The following IST1 variants were observed in gnomAD, a reference collection of about 807,000 sequenced individuals.
IST1 encodes IST1 homolog.
Under a neutral mutation model 37.0 loss-of-function variants are expected in IST1, and 23 were observed. The observed-to-expected ratio is 0.62, with a 90% confidence interval of 0.45 to 0.88. The LOEUF is 0.88. Among genes scored for constraint, IST1 ranks in the 40% least tolerant of loss-of-function variants. IST1 has a pLI of 0.00. For missense variants in IST1, 488 were observed against 445.4 expected (o/e 1.10, Z -0.86); for synonymous variants, 180 against 161.7 (o/e 1.11, Z -0.86).
chr16:71,894,941 G>A, upstream of IST1: 2 of 1,005,416 alleles, frequency 2.0e-6, no homozygotes, highest in South Asian at 1.4e-5. Context: ...AAACACTACT[G>A]AATTATACCA....
chr16:71,905,243 C>G (rs942864797), intron 1 of IST1, among the ~76,000 whole-genome samples: 2 of 151,964 alleles, frequency 1.3e-5, no homozygotes, highest in African/African-American at 4.8e-5. Flanking sequence ...ACTATGTTGG[C>G]CAGGCTGGTC....
intron 1 of IST1, among the ~76,000 whole-genome samples, chr16:71,904,631 A>G (rs2037180292): frequency 6.6e-6 from 1 of 150,712 alleles, no homozygotes; most frequent in Non-Finnish European, 1.5e-5. Flanking sequence ...CTGGTCTTGA[A>G]CTCCTGAGCT....
Position 71,905,018 on chromosome 16 carries a change from CT to C in IST1, c.-16+9436del, listed in dbSNP as rs554733144. ...ATTCCATTAAAAAATTTTTTTTTTGCTTTTTTTGTGTAGTATTTTTGTTTTT... is the reference window on the plus strand; with the variant it reads ...ATTCCATTAAAAAATTTTTTTTTTGCTTTTTTGTGTAGTATTTTTGTTTTT... On this transcript the variant is annotated intron_variant, in intron 1 of 9. Transcript: ENST00000378799. Among the ~76,000 whole-genome samples the C allele has an allele frequency of 2.1e-3, 317 of 149,574 alleles. 1 individual carries two copies. The highest frequency in any genetic ancestry group is 7.4e-3 in the African/African-American group (302 of 40,698).
At chr16:71,922,116 G>A (rs2037605217) in intron 6 of IST1, among the ~76,000 whole-genome samples, 1 of 152,094 alleles carries the variant, frequency 6.6e-6, no homozygotes, top group African/African-American at 2.4e-5. Flanking sequence ...CTCCAGTCTG[G>A]GTGACAGAGT....
chr16:71,929,507 T>A lies in IST1; in HGVS notation c.*1694T>A. ...GCAAAGATAAGTAGTAATACGCTAA[T>A]AAATACTAAGCCAAGTAGGAGATAA... On this transcript the variant is annotated 3_prime_UTR_variant, in exon 10 of 10. Transcript: ENST00000378799. The A allele has an allele frequency of 6.5e-7, 1 of 1,530,252 alleles. No individual in the cohort carries two copies. Among genetic ancestry groups the A allele is most frequent in the Non-Finnish European group, 8.8e-7 (1 of 1,138,774 alleles). 94.8% of individuals were successfully genotyped at this position (1,530,252 alleles called of 1,614,324 possible). A position where few individuals can be genotyped will look rare whatever the true frequency, so the allele number is the denominator to read the frequency against.
intron 1 of IST1, among the ~76,000 whole-genome samples, chr16:71,907,642 A>G (rs2037256131): frequency 6.6e-6 from 1 of 152,054 alleles, no homozygotes; most frequent in African/African-American, 2.4e-5. Flanking sequence ...TGTCCTACAG[A>G]TCTGTAAGGC....
At chr16:71,922,310 A>T (rs531845578) in intron 6 of IST1, among the ~76,000 whole-genome samples, 164 bp from the exon 7 acceptor site, 2 of 152,306 alleles carry the variant, frequency 1.3e-5, no homozygotes, top group South Asian at 4.1e-4. Flanking sequence ...GTTGCAGCCC[A>T]ACTTCTCCTT....
chr16:71,926,035 A>G (rs955517818), intron 9 of IST1, among the ~76,000 whole-genome samples: 1 of 152,080 alleles, frequency 6.6e-6, no homozygotes, highest in Non-Finnish European at 1.5e-5. Flanking sequence ...TAATCCCAGC[A>G]CCTTGGGAGG....
At chr16:71,894,727 G>A, upstream of IST1, 2 of 532,650 alleles carry the variant, frequency 3.8e-6, no homozygotes, top group Non-Finnish European at 6.2e-6. Flanking sequence ...GTAGCGATGC[G>A]GTTTCACTAT....
Position 71,923,394 on chromosome 16 carries a change from CCT to C in IST1, c.852+17_852+18del, listed in dbSNP as rs771270291. 1.2e-5 allele frequency: 19 copies of C among 1,524,800 alleles called. No individual in the cohort carries two copies. The East Asian group carries it at 3.6e-4, about 29-fold the overall frequency. The allele number at this position is 1,524,800 out of a possible 1,614,324, so 94.5% of individuals were successfully genotyped here. On this transcript the variant is annotated intron_variant, in intron 8 of 9. Transcript: ENST00000378799. ...TCGTATGAATCTGTAAGTGCCTGAG[CCT>C]CTTTTATAAGCAACAGGAGAGTGAA...
In IST1 at chr16:71,922,611, GCCCA is replaced by G. The variant is rs781703565; in HGVS notation, c.691_694del (p.Pro231CysfsTer54). Reference sequence around the variant, plus strand: ...GTGGACCTGATGGAACGGTGCCAATGCCCATGCCCATGCCCATGCCTATGCCATC... The same window carrying G: ...GTGGACCTGATGGAACGGTGCCAATGTGCCCATGCCCATGCCTATGCCATC... On this transcript the variant is annotated frameshift_variant, in exon 7 of 10. Coordinates refer to ENST00000378799, the MANE Select transcript of IST1 (RefSeq NM_001270975.2). LOFTEE classifies it high-confidence loss of function. 8 of 705,836 alleles carry G rather than the reference GCCCA, an allele frequency of 1.1e-5. No homozygotes were observed. Among genetic ancestry groups the G allele is most frequent in the East Asian group, 4.8e-5 (1 of 20,866 alleles). The allele number at this position is 705,836 out of a possible 1,614,324, so 43.7% of individuals were successfully genotyped here. A position where few individuals can be genotyped will look rare whatever the true frequency, so the allele number is the denominator to read the frequency against.
At chr16:71,916,693 G>A in intron 3 of IST1, 51 bp downstream of exon 3, 1 of 1,462,652 alleles carries the variant, frequency 6.8e-7, no homozygotes, top group Non-Finnish European at 9.5e-7. Context: ...TTTGAGAAAG[G>A]AGTAATATGA....
At position 71,930,193 on chromosome 16, in the gene IST1, CAAT is replaced by C; in HGVS notation, c.*2383_*2385del. ...GGTCTAAAGCGAAAACCTGGGAAAA[CAAT>C]AAGAACACTTGCAGTGACTGACAAT... On this transcript the variant is annotated 3_prime_UTR_variant, in exon 10 of 10. Transcript: ENST00000378799. The C allele has an allele frequency of 2.0e-6, 3 of 1,538,012 alleles. No homozygotes were observed. The highest frequency in any genetic ancestry group is 2.6e-6 in the Non-Finnish European group (3 of 1,141,556).
chr16:71,906,285 G>A (rs1379782533), intron 1 of IST1, among the ~76,000 whole-genome samples: 1 of 151,422 alleles, frequency 6.6e-6, no homozygotes. Flanking sequence ...TTAGAGGTGC[G>A]AGCCACTGCG....
chr16:71,916,926 A>T, intron 3 of IST1, 121 bp from the exon 4 acceptor site: 1 of 655,760 alleles, frequency 1.5e-6, no homozygotes. Flanking sequence ...GCCTAGAGTT[A>T]TTGTGAGAAT....
chr16:71,929,796 A>C lies in IST1; in HGVS notation c.*1983A>C. 2 of 1,127,784 alleles carry C rather than the reference A, an allele frequency of 1.8e-6. No homozygotes were observed. The highest frequency in any genetic ancestry group is 2.5e-6 in the Non-Finnish European group (2 of 811,870). 69.9% of individuals were successfully genotyped at this position (1,127,784 alleles called of 1,614,324 possible). A position where few individuals can be genotyped will look rare whatever the true frequency, so the allele number is the denominator to read the frequency against. On this transcript the variant is annotated 3_prime_UTR_variant, in exon 10 of 10. Transcript: ENST00000378799. ...GTAAATGTAAAGATACTATTTCTTT[A>C]ATAATTTGCAGTCAGGCATTGGAGT...
At chr16:71,902,505 A>G (rs2037130845) in intron 1 of IST1, among the ~76,000 whole-genome samples, 1 of 152,170 alleles carries the variant, frequency 6.6e-6, no homozygotes, top group African/African-American at 2.4e-5. Context: ...CTTGACCACA[A>G]GTAATCTGCC....
At chr16:71,920,015 C>G (rs1018033291) in intron 4 of IST1, among the ~76,000 whole-genome samples, 2 of 152,178 alleles carry the variant, frequency 1.3e-5, no homozygotes, top group African/African-American at 2.4e-5. Context: ...ATATTTATAT[C>G]CTACACATCT....
intron 1 of IST1, among the ~76,000 whole-genome samples, chr16:71,912,905 A>T (rs1394928819): frequency 6.6e-6 from 1 of 152,146 alleles, no homozygotes; most frequent in African/African-American, 2.4e-5. Flanking sequence ...AATTTCATCC[A>T]TGTTGTAGCA....
Sources: allele counts gnomAD v4.1 joint callset (sites outside exome capture counted in the v4.1 genomes callset), GRCh38; gene constraint gnomAD v4.1.1; transcripts MANE v1.5; gene names NCBI Gene and HGNC (gene_info 2026-07-23, HGNC 2026-07-21).